GALNTL6: variants seen among roughly 807,000 people sequenced by gnomAD.
The protein encoded by GALNTL6 is polypeptide N-acetylgalactosaminyltransferase like 6.
GALNTL6 carries 46 observed loss-of-function variants against 73.7 expected under a neutral mutation model. That is an observed-to-expected ratio of 0.62 (90% CI 0.49 to 0.80). The LOEUF is 0.80. Ranked by LOEUF, GALNTL6 falls within the 30% of genes least tolerant of loss-of-function variation. The pLI, the probability that GALNTL6 is intolerant of heterozygous loss-of-function variation, is 0.00. For synonymous variants in GALNTL6, 259 were observed against 263.7 expected (o/e 0.98, Z 0.17); for missense variants, 604 against 755.0 (o/e 0.80, Z 2.34).
chr4:173,027,434 C>T lies in GALNTL6; in HGVS notation c.1638+5809C>T, dbSNP rs188240116. On this transcript the variant is annotated intron_variant, in intron 12 of 12. Transcript: ENST00000506823. ...ATTTTTTCCCACTGCACTGAAGTGA[C>T]GCTTTTATTGTAAGTCAAGAGGTCT... Among the ~76,000 whole-genome samples the T allele has an allele frequency of 1.7e-3, 258 of 152,306 alleles. 2 individuals carry two copies. The highest frequency in any genetic ancestry group is 2.4e-4 in the Non-Finnish European group (16 of 68,028).
chr4:172,033,070 G>A (rs976802475), intron 2 of GALNTL6, among the ~76,000 whole-genome samples: 1 of 151,778 alleles, frequency 6.6e-6, no homozygotes, highest in African/African-American at 2.4e-5. Flanking sequence ...CATTTCTCTA[G>A]TAAAAAAGTT....
At chr4:172,189,714 A>G (rs1254811608) in intron 2 of GALNTL6, among the ~76,000 whole-genome samples, 4 of 152,302 alleles carry the variant, frequency 2.6e-5, no homozygotes, top group Non-Finnish European at 4.4e-5. Context: ...GGACTTTCTT[A>G]TATAAAACAA....
chr4:172,495,635 T>C (rs574378808), intron 5 of GALNTL6, among the ~76,000 whole-genome samples: 1 of 152,294 alleles, frequency 6.6e-6, no homozygotes, highest in African/African-American at 2.4e-5. Flanking sequence ...CTTCAGCCTC[T>C]AAAGGTGGAG....
At chr4:172,662,869 G>T (rs1300573631) in intron 5 of GALNTL6, among the ~76,000 whole-genome samples, 1 of 152,192 alleles carries the variant, frequency 6.6e-6, no homozygotes, top group Admixed American at 6.5e-5. Context: ...GGATGATAAG[G>T]CTCTTTCAAA....
In GALNTL6 at chr4:172,075,396, G is replaced by A. The variant is rs7676770; in HGVS notation, c.139-154260G>A. 2.0e-5 allele frequency among the ~76,000 whole-genome samples: 3 copies of A among 151,704 alleles called. No individual in the cohort carries two copies. In the East Asian group the frequency reaches 5.8e-4, roughly 29 times the overall value. ...GTCGCCCAGGCTGGAGTGCAGTGGC[G>A]CGATCTCGGCTCACTGCAAGCTCTG... On this transcript the variant is annotated intron_variant, in intron 2 of 12. Coordinates refer to ENST00000506823, the MANE Select transcript of GALNTL6 (RefSeq NM_001034845.3).
intron 2 of GALNTL6, among the ~76,000 whole-genome samples, chr4:172,060,742 C>T (rs2110880389): frequency 6.6e-6 from 1 of 152,328 alleles, no homozygotes; most frequent in East Asian, 1.9e-4. Flanking sequence ...GCATTCAAAA[C>T]ATCACTTAGT....
intron 10 of GALNTL6, among the ~76,000 whole-genome samples, chr4:172,959,520 A>C (rs977414663): frequency 2.0e-5 from 3 of 151,544 alleles, no homozygotes; most frequent in Non-Finnish European, 4.4e-5. Flanking sequence ...GAGTGAGTAG[A>C]CTCCATGTTG....
intron 10 of GALNTL6, among the ~76,000 whole-genome samples, chr4:172,986,548 C>A (rs1165485109): frequency 6.6e-6 from 1 of 152,168 alleles, no homozygotes; most frequent in Non-Finnish European, 1.5e-5. Context: ...TTGGGACACA[C>A]ACAAAAGAGA....
intron 9 of GALNTL6, among the ~76,000 whole-genome samples, chr4:172,951,387 T>TC (rs1452537646): frequency 6.6e-6 from 1 of 152,236 alleles, no homozygotes; most frequent in Non-Finnish European, 1.5e-5. Context: ...CCATGCTTAT[T>TC]CCCCACCACC....
intron 8 of GALNTL6, among the ~76,000 whole-genome samples, chr4:172,903,268 G>T (rs1746719676): frequency 6.6e-6 from 1 of 152,132 alleles, no homozygotes; most frequent in South Asian, 2.1e-4. Context: ...CCTAAAAAAA[G>T]ATGGAGACTT....
chr4:172,401,193 C>G (rs1744023146), intron 5 of GALNTL6, among the ~76,000 whole-genome samples: 1 of 152,082 alleles, frequency 6.6e-6, no homozygotes, highest in Non-Finnish European at 1.5e-5. Context: ...AACATACACA[C>G]ACATGCACAC....
intron 5 of GALNTL6, among the ~76,000 whole-genome samples, chr4:172,410,541 A>G (rs1260605047): frequency 2.0e-5 from 3 of 152,110 alleles, no homozygotes; most frequent in Non-Finnish European, 4.4e-5. Flanking sequence ...AATGTGACTT[A>G]CTAATTAGCT....
Position 172,436,881 on chromosome 4 carries a change from C to T in GALNTL6, c.553+88192C>T, listed in dbSNP as rs1364697232. On this transcript the variant is annotated intron_variant, in intron 5 of 12. Coordinates refer to ENST00000506823, the MANE Select transcript of GALNTL6 (RefSeq NM_001034845.3). ...AGGTTATGGAATAAGGAGGGGGTGA[C>T]TTTTATTTGGTGGATTTGCAGTCTA... Among the ~76,000 whole-genome samples, 3 of 152,050 alleles carry T rather than the reference C, an allele frequency of 2.0e-5. No individual in the cohort carries two copies. In the East Asian group the frequency reaches 5.8e-4, roughly 29 times the overall value.
At chr4:172,681,729 A>C (rs1732641809) in intron 5 of GALNTL6, among the ~76,000 whole-genome samples, 1 of 152,204 alleles carries the variant, frequency 6.6e-6, no homozygotes, top group African/African-American at 2.4e-5. Flanking sequence ...TATAACTATT[A>C]TGTTTCAGGA....
At chr4:171,921,876 T>C (rs997621886) in intron 2 of GALNTL6, among the ~76,000 whole-genome samples, 7 of 152,088 alleles carry the variant, frequency 4.6e-5, no homozygotes, top group Admixed American at 3.3e-4. Flanking sequence ...TTCCAAACTC[T>C]ATATTTGCTT....
intron 2 of GALNTL6, among the ~76,000 whole-genome samples, chr4:171,950,142 G>A (rs952908275): frequency 6.6e-6 from 1 of 152,100 alleles, no homozygotes; most frequent in Non-Finnish European, 1.5e-5. Context: ...AGAATTGATT[G>A]GAATATTGTC....
chr4:171,855,825 C>T (rs1237448316), intron 2 of GALNTL6, among the ~76,000 whole-genome samples: 1 of 152,106 alleles, frequency 6.6e-6, no homozygotes, highest in East Asian at 1.9e-4. Context: ...AGCTATATCT[C>T]ATTCTTGTTT....
chr4:171,903,291 G>A (rs954912052), intron 2 of GALNTL6, among the ~76,000 whole-genome samples: 60 of 152,048 alleles, frequency 3.9e-4, no homozygotes, highest in Admixed American at 1.2e-3. Flanking sequence ...TGCGCGCACC[G>A]TGCGCGAGCT....
At chr4:172,080,005 C>CTTATAT (rs1478767256) in intron 2 of GALNTL6, among the ~76,000 whole-genome samples, 2 of 152,206 alleles carry the variant, frequency 1.3e-5, no homozygotes, top group East Asian at 3.9e-4. Context: ...AGATTATAGA[C>CTTATAT]TTATATTTTA....
Sources: allele counts gnomAD v4.1 joint callset (sites outside exome capture counted in the v4.1 genomes callset), GRCh38; gene constraint gnomAD v4.1.1; transcripts MANE v1.5; gene names NCBI Gene and HGNC (gene_info 2026-07-23, HGNC 2026-07-21).